Variants in MMEL1 observed in about 807,000 individuals in gnomAD.
MMEL1 encodes the protein membrane metalloendopeptidase like 1.
MMEL1 carries 98 observed loss-of-function variants against 117.1 expected under a neutral mutation model. That is an observed-to-expected ratio of 0.84 (90% CI 0.71 to 0.99). The LOEUF is 0.99. Among genes scored for constraint, MMEL1 ranks in the 50% least tolerant of loss-of-function variants. The pLI is 0.00. For missense variants in MMEL1, 1,014 were observed against 1,049.1 expected (o/e 0.97, Z 0.46); for synonymous variants, 390 against 415.1 (o/e 0.94, Z 0.74).
intron 2 of MMEL1, among the ~76,000 whole-genome samples, chr1:2,615,277 C>T (rs1645184732): frequency 1.3e-5 from 2 of 152,128 alleles, no homozygotes; most frequent in Non-Finnish European, 2.9e-5. Context: ...TCCAGCCAGG[C>T]AATTAAGGTT....
chr1:2,604,120 G>GCGGGCCC, intron 10 of MMEL1, 27 bp downstream of exon 10: 2 of 1,330,074 alleles, frequency 1.5e-6, no homozygotes, highest in Non-Finnish European at 2.1e-6. Context: ...CTCGCTGCCC[G>GCGGGCCC]CTCCCCACCC....
At chr1:2,593,034 A>T in intron 19 of MMEL1, 68 bp from the exon 20 acceptor site, 1 of 1,579,218 alleles carries the variant, frequency 6.3e-7, no homozygotes, top group Non-Finnish European at 8.6e-7. Flanking sequence ...CACGGCAGCC[A>T]CTGTGCCTGG....
At chr1:2,611,701 C>T (rs547306728) in intron 3 of MMEL1, among the ~76,000 whole-genome samples, 16 of 152,312 alleles carry the variant, frequency 1.1e-4, no homozygotes, top group Non-Finnish European at 1.8e-4. Flanking sequence ...CCTTTACACC[C>T]TCTGCCTCCA....
At chr1:2,627,486 T>C (rs1258371500) in intron 2 of MMEL1, among the ~76,000 whole-genome samples, 1 of 152,212 alleles carries the variant, frequency 6.6e-6, no homozygotes, top group Admixed American at 6.5e-5. Flanking sequence ...CATTTGGTGA[T>C]TGAGCCTATT....
At chr1:2,621,727 C>T (rs1309148791) in intron 2 of MMEL1, among the ~76,000 whole-genome samples, 2 of 152,156 alleles carry the variant, frequency 1.3e-5, no homozygotes, top group African/African-American at 4.8e-5. Flanking sequence ...TCACGCCTGG[C>T]TAATTTTGTA....
At chr1:2,608,326 C>T (rs1249681578) in intron 6 of MMEL1, among the ~76,000 whole-genome samples, 6 of 152,118 alleles carry the variant, frequency 3.9e-5, no homozygotes, top group Admixed American at 3.9e-4. Flanking sequence ...GCCTGCAGAC[C>T]CCCAAGTGGA....
intron 3 of MMEL1, among the ~76,000 whole-genome samples, chr1:2,611,873 G>C (rs1485478881): frequency 2.0e-5 from 3 of 151,904 alleles, no homozygotes; most frequent in African/African-American, 4.8e-5. Context: ...CCCCACCCCT[G>C]TGCCAGCTGG....
At chr1:2,617,624 C>T (rs1246725043) in intron 2 of MMEL1, among the ~76,000 whole-genome samples, 2 of 152,062 alleles carry the variant, frequency 1.3e-5, no homozygotes, top group African/African-American at 4.8e-5. Flanking sequence ...TGTGAGGTTC[C>T]TCATCTCTAC....
chr1:2,628,060 G>A (rs1456686716), intron 2 of MMEL1, among the ~76,000 whole-genome samples: 1 of 152,246 alleles, frequency 6.6e-6, no homozygotes, highest in Non-Finnish European at 1.5e-5. Context: ...TGTGTGTGGG[G>A]TCAGCCTTGT....
chr1:2,591,190 A>G, intron 23 of MMEL1, 101 bp from the exon 24 acceptor site: 2 of 750,942 alleles, frequency 2.7e-6, no homozygotes, highest in Non-Finnish European at 4.2e-6. Context: ...ACATCAGCCT[A>G]ATGGCTCATG....
chr1:2,603,422 G>A (rs547327262), intron 11 of MMEL1, among the ~76,000 whole-genome samples: 4 of 152,204 alleles, frequency 2.6e-5, no homozygotes, highest in Non-Finnish European at 5.9e-5. Context: ...GCACAGGGCG[G>A]TGCCTGGCCT....
chr1:2,611,399 A>T, intron 3 of MMEL1, 59 bp from the exon 4 acceptor site: 2 of 850,340 alleles, frequency 2.4e-6, no homozygotes, highest in Non-Finnish European at 2.9e-6. Context: ...GCAGGACTGG[A>T]GTGGGTGTGG....
At chr1:2,629,686 G>A (rs1638453702) in intron 1 of MMEL1, 165 bp from the exon 2 acceptor site, 5 of 582,602 alleles carry the variant, frequency 8.6e-6, no homozygotes, top group Non-Finnish European at 1.4e-5. Context: ...TGGGTCCCGG[G>A]ACTTTCCACA....
At chr1:2,596,158 G>C in intron 14 of MMEL1, 51 bp from the exon 15 acceptor site, 1 of 1,535,736 alleles carries the variant, frequency 6.5e-7, no homozygotes, top group East Asian at 2.2e-5. Flanking sequence ...GAGGGCGAAT[G>C]ACCAGCCTCA....
chr1:2,598,183 G>A (rs1557526338), intron 13 of MMEL1, 24 bp downstream of exon 13: 1 of 1,604,538 alleles, frequency 6.2e-7, no homozygotes, highest in Non-Finnish European at 8.5e-7. Context: ...GCCCGGCCAG[G>A]CTCTGGGCAG....
At position 2,612,024 on chromosome 1, in the gene MMEL1, G is replaced by A. The variant is rs1645137819; in HGVS notation, c.232+103C>T. ...CCATGGCCCTCCTCCGGCACATGAG[G>A]GTTGGGCAGAACCCAGCCCCTGCCC... On this transcript the variant is annotated intron_variant, in intron 3 of 23. Coordinates refer to ENST00000378412, the MANE Select transcript of MMEL1 (RefSeq NM_033467.4). This position sits in a 1 kb window ranked among gnomAD's most constrained non-coding sequence, Gnocchi z 5.4. 1 of 1,008,734 alleles carries A rather than the reference G, an allele frequency of 9.9e-7. No homozygotes were observed. Among genetic ancestry groups the A allele is most frequent in the Non-Finnish European group, 1.5e-6 (1 of 660,036 alleles). 62.5% of individuals were successfully genotyped at this position (1,008,734 alleles called of 1,614,324 possible). A position where few individuals can be genotyped will look rare whatever the true frequency, so the allele number is the denominator to read the frequency against.
intron 21 of MMEL1, among the ~76,000 whole-genome samples, chr1:2,592,304 G>GCGCCCCCTCCCC (rs1557516139): frequency 7.9e-6 from 1 of 127,358 alleles, no homozygotes; most frequent in African/African-American, 3.0e-5. Flanking sequence ...TGAGGCACTG[G>GCGCCCCCTCCCC]TGCCCCCCTC....
chr1:2,591,789 C>T (rs1409961688), intron 22 of MMEL1, 143 bp downstream of exon 22: 1 of 1,051,484 alleles, frequency 9.5e-7, no homozygotes, highest in South Asian at 1.4e-5. Flanking sequence ...AAATCCTGTC[C>T]AGCTCCCGCC....
chr1:2,603,030 A>G (rs1644959221), intron 11 of MMEL1, among the ~76,000 whole-genome samples: 1 of 152,224 alleles, frequency 6.6e-6, no homozygotes, highest in Admixed American at 6.5e-5. Flanking sequence ...TGTTCTGGGC[A>G]GCGGGGTGTT....
Sources: allele counts gnomAD v4.1 joint callset (sites outside exome capture counted in the v4.1 genomes callset), GRCh38; gene constraint gnomAD v4.1.1; non-coding constraint Gnocchi (gnomAD v3.1); transcripts MANE v1.5; gene names NCBI Gene and HGNC (gene_info 2026-07-23, HGNC 2026-07-21).